DENND5A: variants seen among roughly 807,000 people sequenced by gnomAD.
DENND5A encodes DENN domain-containing protein 5A.
DENND5A carries 64 observed loss-of-function variants against 140.3 expected under a neutral mutation model. The observed-to-expected ratio is 0.46, with a 90% CI of 0.37 to 0.56. The LOEUF is 0.56. Among genes scored for constraint, DENND5A ranks in the 20% least tolerant of loss-of-function variants. DENND5A has a pLI of 0.00. For synonymous variants in DENND5A, 605 were observed against 607.7 expected (o/e 1.00, Z 0.07); for missense variants, 1,292 against 1,593.8 (o/e 0.81, Z 3.22).
At chr11:9,145,624 T>A (rs554701548) in intron 17 of DENND5A, 46 bp downstream of exon 17, 1 of 1,610,022 alleles carries the variant, frequency 6.2e-7, no homozygotes, top group Admixed American at 1.7e-5. Flanking sequence ...AAGCGGCTGT[T>A]GCAAACTCAG....
intron 6 of DENND5A, among the ~76,000 whole-genome samples, chr11:9,180,428 G>A (rs149584695): frequency 4.6e-4 from 70 of 152,284 alleles, no homozygotes; most frequent in African/African-American, 1.5e-3. Context: ...ACTCCAGCCT[G>A]AGTGACAGAG....
At position 9,144,996 on chromosome 11, in the gene DENND5A, T is replaced by C. The variant is rs370045450; in HGVS notation, c.3121A>G (p.Lys1041Glu). 2 of 1,603,576 alleles carry C rather than the reference T, an allele frequency of 1.2e-6. No individual in the cohort carries two copies. Among genetic ancestry groups the C allele is most frequent in the African/African-American group, 2.7e-5 (2 of 74,776 alleles). ...CTTACAGCCTGAGGGTATACTTACT[T>C]GTAGGTATGTCCTGTGATCTCATTC... is the stretch of plus-strand genomic sequence containing the variant. The part of the protein sequence containing the change: ...VRNEITGHTY[K>E]FPCGRWLGKG... Residue 1041 changes from lysine (K) to glutamate (E), a missense_variant and splice_region_variant, in exon 18 of 23, where the codon AAG becomes GAG. By Grantham distance (56) the Lys-to-Glu change is moderately conservative. Coordinates refer to ENST00000328194, the MANE Select transcript of DENND5A (RefSeq NM_015213.4).
intron 1 of DENND5A, among the ~76,000 whole-genome samples, chr11:9,243,280 T>C (rs955053072): frequency 1.3e-5 from 2 of 152,024 alleles, no homozygotes; most frequent in African/African-American, 4.8e-5. Context: ...ATTCTTCTAG[T>C]AGATAAAATT....
At chr11:9,227,027 G>A (rs1335929482) in intron 1 of DENND5A, among the ~76,000 whole-genome samples, 2 of 151,960 alleles carry the variant, frequency 1.3e-5, no homozygotes, top group African/African-American at 2.4e-5. Flanking sequence ...AATTAGCCGG[G>A]CATGGTAGCA....
At chr11:9,158,198 C>T (rs1354553335) in intron 12 of DENND5A, among the ~76,000 whole-genome samples, 1 of 152,156 alleles carries the variant, frequency 6.6e-6, no homozygotes, top group East Asian at 1.9e-4. Flanking sequence ...GAGCTTAGTG[C>T]TTTACATTAA....
At chr11:9,196,190 T>C (rs1383436564) in intron 4 of DENND5A, among the ~76,000 whole-genome samples, 3 of 152,176 alleles carry the variant, frequency 2.0e-5, no homozygotes, top group Non-Finnish European at 4.4e-5. Context: ...TCACCTCAAA[T>C]GATCCACCCA....
rs1230724183 is a variant in DENND5A at position 9,265,142 on chromosome 11, C to G, written c.-73G>C. On this transcript the variant is annotated 5_prime_UTR_variant, in exon 1 of 23. Transcript: ENST00000328194. The surrounding 1 kb of genome is among the most constrained non-coding windows in gnomAD (Gnocchi z 4.7). ...CCCGCAACCCGGGCGCCCGCCCGTC[C>G]GCCCTCAGGCCGCCCCTCCCGCCGC... The G allele has an allele frequency of 2.0e-4, 182 of 891,548 alleles. No homozygotes were observed. Among genetic ancestry groups the G allele is most frequent in the Admixed American group, 9.5e-4 (17 of 17,872 alleles). The allele number at this position is 891,548 out of a possible 1,614,324, so 55.2% of individuals were successfully genotyped here.
intron 1 of DENND5A, among the ~76,000 whole-genome samples, chr11:9,229,729 G>A (rs1850682215): frequency 6.6e-6 from 1 of 151,996 alleles, no homozygotes; most frequent in Admixed American, 6.6e-5. Context: ...AATCTGAACA[G>A]ACAGGCCTTG....
chr11:9,153,304 C>T (rs10840182), intron 12 of DENND5A, among the ~76,000 whole-genome samples: 32,034 of 135,906 alleles, frequency 0.24, 4,152 homozygotes, highest in African/African-American at 0.35. Flanking sequence ...AGGATCATGC[C>T]GCTGCACTCC....
At chr11:9,221,136 A>T (rs1850296325) in intron 1 of DENND5A, among the ~76,000 whole-genome samples, 1 of 152,002 alleles carries the variant, frequency 6.6e-6, no homozygotes, top group Non-Finnish European at 1.5e-5. Flanking sequence ...ATCAGAGATT[A>T]AAACATTCAA....
chr11:9,169,452 A>G (rs1382747103), intron 10 of DENND5A, among the ~76,000 whole-genome samples: 1 of 152,094 alleles, frequency 6.6e-6, no homozygotes, highest in East Asian at 1.9e-4. Context: ...GTCTCAAACA[A>G]AAAAAGAATT....
rs547260701 is a variant in DENND5A, at chr11:9,231,000, C to CA, written c.110-23369dup. Among the ~76,000 whole-genome samples, 1,075 of 151,522 alleles carry CA rather than the reference C, an allele frequency of 7.1e-3. 4 individuals carry two copies. Among genetic ancestry groups the CA allele is most frequent in the Non-Finnish European group, 9.9e-3 (670 of 67,880 alleles). ...CTCTGTCAAAAACAAAACAAACAAA[C>CA]AAAAAAAACCCAAAAAACTACCTAC... On this transcript the variant is annotated intron_variant, in intron 1 of 22. Transcript: ENST00000328194.
chr11:9,146,925 A>T, intron 16 of DENND5A, 105 bp downstream of exon 16: 1 of 1,350,558 alleles, frequency 7.4e-7, no homozygotes, highest in Non-Finnish European at 1.0e-6. Flanking sequence ...AATAGAAAGT[A>T]CAAGGGATAA....
intron 1 of DENND5A, among the ~76,000 whole-genome samples, chr11:9,235,273 C>T (rs1378923164): frequency 6.6e-6 from 1 of 152,124 alleles, no homozygotes; most frequent in African/African-American, 2.4e-5. Context: ...ACGTATTATT[C>T]ATACCATATA....
At chr11:9,214,854 G>C (rs1850024888) in intron 1 of DENND5A, among the ~76,000 whole-genome samples, 1 of 152,166 alleles carries the variant, frequency 6.6e-6, no homozygotes, top group African/African-American at 2.4e-5. Flanking sequence ...CTCCCAACTA[G>C]CTGGGATTAC....
chr11:9,185,023 T>G (rs980633894), intron 5 of DENND5A, among the ~76,000 whole-genome samples: 2 of 152,096 alleles, frequency 1.3e-5, no homozygotes, highest in African/African-American at 4.8e-5. Flanking sequence ...AAACCTCATC[T>G]CTACTAAAAA....
At chr11:9,161,138 G>A (rs1441867311) in intron 11 of DENND5A, among the ~76,000 whole-genome samples, 2 of 152,182 alleles carry the variant, frequency 1.3e-5, no homozygotes, top group African/African-American at 2.4e-5. Flanking sequence ...ACAAGGTCAG[G>A]AGATCGAGAC....
intron 10 of DENND5A, among the ~76,000 whole-genome samples, 163 bp from the exon 11 acceptor site, chr11:9,166,130 G>A (rs552112640): frequency 3.3e-5 from 5 of 150,382 alleles, no homozygotes; most frequent in Non-Finnish European, 7.4e-5. Flanking sequence ...CCAGGCTGGA[G>A]TGCAGTGGTG....
At chr11:9,145,233 G>C in intron 17 of DENND5A, 120 bp from the exon 18 acceptor site, 1 of 753,174 alleles carries the variant, frequency 1.3e-6, no homozygotes, top group South Asian at 1.6e-5. Context: ...TGCAGGCTTA[G>C]AGGTCATGGC....
Sources: gnomAD v4.1 joint callset for allele counts (sites outside exome capture counted in the v4.1 genomes callset) on GRCh38, gnomAD v4.1.1 for gene constraint, Gnocchi (gnomAD v3.1) non-coding constraint, MANE v1.5 for transcripts, NCBI Gene and HGNC (gene_info 2026-07-23, HGNC 2026-07-21) for gene names.